SP4: variants seen among roughly 807,000 people sequenced by gnomAD.
SP4 encodes the protein Sp4 transcription factor, also known as transcription factor Sp4.
A neutral mutation model predicts 72.8 loss-of-function variants in SP4; 19 were observed. That is an observed-to-expected ratio of 0.26 (90% confidence interval 0.18 to 0.38). The LOEUF (loss-of-function observed/expected upper bound fraction) is 0.38. Ranked by LOEUF, SP4 falls within the 10% of genes least tolerant of loss-of-function variation. The probability of loss-of-function intolerance (pLI) is 1.00; values close to 1 mark genes in which losing one functional copy is unlikely to be tolerated. For synonymous variants in SP4, 395 were observed against 333.1 expected (o/e 1.19, Z -2.02); for missense variants, 1,008 against 926.3 (o/e 1.09, Z -1.14).
intron 3 of SP4, among the ~76,000 whole-genome samples, chr7:21,431,467 A>G (rs1782852088): frequency 1.3e-5 from 2 of 152,196 alleles, no homozygotes; most frequent in South Asian, 4.1e-4. Flanking sequence ...ATAATCCTTC[A>G]TTTATAAAAT....
At chr7:21,460,648 A>G (rs1783935029) in intron 3 of SP4, among the ~76,000 whole-genome samples, 1 of 152,096 alleles carries the variant, frequency 6.6e-6, no homozygotes, top group Non-Finnish European at 1.5e-5. Context: ...CAGAGAGCCG[A>G]TTGGTCTGTT....
chr7:21,507,274 AG>A (rs1782023623), intron 5 of SP4, among the ~76,000 whole-genome samples: 1 of 152,198 alleles, frequency 6.6e-6, no homozygotes, highest in African/African-American at 2.4e-5. Flanking sequence ...CTCCCCTAAG[AG>A]GGAACATGCT....
At chr7:21,466,538 G>A (rs1429409604) in intron 3 of SP4, among the ~76,000 whole-genome samples, 1 of 152,098 alleles carries the variant, frequency 6.6e-6, no homozygotes, top group Non-Finnish European at 1.5e-5. Flanking sequence ...TCTACTTTCG[G>A]CTCTACTAAA....
intron 5 of SP4, among the ~76,000 whole-genome samples, chr7:21,500,597 G>A (rs1781839013): frequency 6.6e-6 from 1 of 152,144 alleles, no homozygotes; most frequent in African/African-American, 2.4e-5. Context: ...GTAGAATGTA[G>A]GTCCTTGTTT....
chr7:21,428,164 G>T lies in SP4; in HGVS notation c.-88G>T. ...CTCCTCCGAGCCACCGCGGGCGGGC[G>T]GGACCGGCCTCTCCTCCCGCCTCGC... On this transcript the variant is annotated 5_prime_UTR_variant, in exon 1 of 6. Coordinates refer to ENST00000222584, the MANE Select transcript of SP4 (RefSeq NM_003112.5). The T allele has an allele frequency of 1.3e-6, 1 of 768,086 alleles. No individual in the cohort carries two copies. Among genetic ancestry groups the T allele is most frequent in the South Asian group, 1.5e-5 (1 of 68,686 alleles). 47.6% of individuals were successfully genotyped at this position (768,086 alleles called of 1,614,324 possible). A position where few individuals can be genotyped will look rare whatever the true frequency, so the allele number is the denominator to read the frequency against.
chr7:21,433,556 T>G (rs1782939151), intron 3 of SP4, among the ~76,000 whole-genome samples: 1 of 152,224 alleles, frequency 6.6e-6, no homozygotes, highest in African/African-American at 2.4e-5. Flanking sequence ...AATAGCACTT[T>G]GTAATTAGGA....
intron 2 of SP4, 23 bp downstream of exon 2, chr7:21,428,815 A>T: frequency 6.5e-7 from 1 of 1,531,642 alleles, no homozygotes; most frequent in Non-Finnish European, 8.8e-7. Flanking sequence ...AAATTAAAAA[A>T]ATTCATCACG....
In SP4 at chr7:21,511,068, G is replaced by T; in HGVS notation, c.2154G>T (p.Arg718=). ...CGGAATGTTCTAAAAGGTTTATGCG[G>T]AGTGATCATCTCTCCAAACATGTCA... is the stretch of plus-strand genomic sequence containing the variant. ...ECPECSKRFM[R]SDHLSKHVKT... Residue 718 remains arginine (R), a synonymous_variant, in exon 6 of 6, where the codon CGG becomes CGT. Coordinates refer to ENST00000222584, the MANE Select transcript of SP4 (RefSeq NM_003112.5). The T allele has an allele frequency of 6.2e-7, 1 of 1,614,088 alleles. No homozygotes were observed. The highest frequency in any genetic ancestry group is 8.5e-7 in the Non-Finnish European group (1 of 1,179,960).
intron 3 of SP4, among the ~76,000 whole-genome samples, chr7:21,466,060 T>C (rs552910316): frequency 2.0e-5 from 3 of 152,304 alleles, no homozygotes; most frequent in South Asian, 2.1e-4. Flanking sequence ...CTGTGAAGCC[T>C]TCATTGTTTC....
chr7:21,464,623 C>G (rs1784111740), intron 3 of SP4, among the ~76,000 whole-genome samples: 2 of 149,220 alleles, frequency 1.3e-5, no homozygotes, highest in African/African-American at 5.0e-5. Context: ...CTGTGTTGCC[C>G]TGGCTAGACT....
chr7:21,430,577 C>T lies in SP4; in HGVS notation c.1412C>T (p.Thr471Ile), dbSNP rs1562580923. 1.2e-6 allele frequency: 2 copies of T among 1,614,242 alleles called. No individual in the cohort carries two copies. The highest frequency in any genetic ancestry group is 1.7e-6 in the Non-Finnish European group (2 of 1,180,042). ...LTPSGQISWQTVQVQNIQSLS... is the reference protein window; with the variant it reads ...LTPSGQISWQIVQVQNIQSLS... ...CCTTCAGGGCAAATCAGTTGGCAAA[C>T]TGTACAGGTTCAGAATATTCAGAGT... Residue 471 changes from threonine (T) to isoleucine (I), a missense_variant, in exon 3 of 6, where the codon ACT becomes ATT. Physicochemically the swap from Thr to Ile is moderately conservative, Grantham distance 89 (BLOSUM62 -1). Coordinates refer to ENST00000222584, the MANE Select transcript of SP4 (RefSeq NM_003112.5).
intron 5 of SP4, among the ~76,000 whole-genome samples, chr7:21,485,317 T>C (rs764862503): frequency 6.6e-6 from 1 of 151,880 alleles, no homozygotes; most frequent in Non-Finnish European, 1.5e-5. Context: ...CTGAAAATAG[T>C]GATCTGTTTG....
At chr7:21,429,247 T>C in intron 2 of SP4, 42 bp from the exon 3 acceptor site, 2 of 1,166,476 alleles carry the variant, frequency 1.7e-6, no homozygotes, top group South Asian at 1.4e-5. Context: ...CCGCCCACTT[T>C]TTTTCCCCCC....
chr7:21,476,273 CA>C (rs753166936), intron 3 of SP4, among the ~76,000 whole-genome samples: 766 of 49,594 alleles, frequency 0.015, 3 homozygotes, highest in African/African-American at 0.054. Context: ...GACTCCATCT[CA>C]AAAAAAAAAA....
At chr7:21,453,039 A>G (rs551380168) in intron 3 of SP4, among the ~76,000 whole-genome samples, 2 of 152,248 alleles carry the variant, frequency 1.3e-5, no homozygotes, top group African/African-American at 4.8e-5. Flanking sequence ...GGGCCTCCCA[A>G]AGAGCTGGGA....
At chr7:21,497,080 C>G (rs963941560) in intron 5 of SP4, among the ~76,000 whole-genome samples, 1 of 152,218 alleles carries the variant, frequency 6.6e-6, no homozygotes, top group Non-Finnish European at 1.5e-5. Flanking sequence ...TTATTATCCC[C>G]TGTCTTGGGC....
chr7:21,501,285 GTA>G (rs144243604), intron 5 of SP4, among the ~76,000 whole-genome samples: 4,194 of 152,250 alleles, frequency 0.028, 108 homozygotes, highest in East Asian at 0.079. Context: ...CTGGTTGCCA[GTA>G]TATTTAGATT....
At chr7:21,502,051 C>CG (rs1554301443) in intron 5 of SP4, among the ~76,000 whole-genome samples, 5 of 81,952 alleles carry the variant, frequency 6.1e-5, no homozygotes, top group African/African-American at 9.2e-5. Flanking sequence ...CCCCCCCCCC[C>CG]CCGGAACTCC....
At chr7:21,457,026 A>G (rs1783786942) in intron 3 of SP4, among the ~76,000 whole-genome samples, 1 of 125,342 alleles carries the variant, frequency 8.0e-6, no homozygotes, top group South Asian at 2.4e-4. Context: ...CTCCAGCCTA[A>G]GAAGGAAGGC....
Sources: allele counts gnomAD v4.1 joint callset (sites outside exome capture counted in the v4.1 genomes callset), GRCh38; gene constraint gnomAD v4.1.1; transcripts MANE v1.5; gene names NCBI Gene and HGNC (gene_info 2026-07-23, HGNC 2026-07-21).